FLRT2: variants seen among roughly 807,000 people sequenced by gnomAD.
The protein encoded by FLRT2 is leucine-rich repeat transmembrane protein FLRT2.
Under a neutral mutation model 40.0 loss-of-function variants are expected in FLRT2, and 15 were observed. That is an observed-to-expected ratio of 0.38 (90% CI 0.25 to 0.58). The LOEUF is 0.58. Ranked by LOEUF, FLRT2 falls within the 20% of genes least tolerant of loss-of-function variation. FLRT2 has a pLI of 0.71. For missense variants in FLRT2, 726 were observed against 840.0 expected, an observed-to-expected ratio of 0.86 and a Z score of 1.68; for synonymous variants, 380 against 336.8, an observed-to-expected ratio of 1.13 and a Z score of -1.41.
intron 1 of FLRT2, among the ~76,000 whole-genome samples, chr14:85,532,409 C>T (rs529105747): frequency 2.6e-5 from 4 of 152,242 alleles, no homozygotes; most frequent in Non-Finnish European, 4.4e-5. Flanking sequence ...ACATCTCCTC[C>T]TTCCTAAATA....
chr14:85,583,060 T>G lies in FLRT2; in HGVS notation c.-376-38079T>G, dbSNP rs761629080. ...AAAGAACCTAGGGAAAATTCCCATG[T>G]GAGAAATGAAATTGTCCTTGTGAAG... On this transcript the variant is annotated intron_variant, in intron 1 of 1. Coordinates refer to ENST00000330753, the MANE Select transcript of FLRT2 (RefSeq NM_013231.6). Among the ~76,000 whole-genome samples, 180 of 152,254 alleles carry G rather than the reference T, an allele frequency of 1.2e-3. 1 individual carries two copies. Among genetic ancestry groups the G allele is most frequent in the Admixed American group, 2.1e-3 (32 of 15,290 alleles).
chr14:85,621,421 A>G lies in FLRT2; in HGVS notation c.-94A>G, dbSNP rs947215229. 7.4e-6 allele frequency: 9 copies of G among 1,214,770 alleles called. No homozygotes were observed. In the African/African-American group the frequency reaches 1.2e-4, roughly 16 times the overall value. 75.2% of individuals were successfully genotyped at this position (1,214,770 alleles called of 1,614,324 possible). On this transcript the variant is annotated 5_prime_UTR_variant, in exon 2 of 2. Transcript: ENST00000330753. ...CCTCTAGCTGGAGTTCTGGACTTCA[A>G]CAGAACCCCATCCAGTCATTTTGAT...
Position 85,626,883 on chromosome 14 carries a change from G to A in FLRT2, c.*3386G>A, listed in dbSNP as rs1893704832. ...AATATTACAGCTTCATTTTCTACTA[G>A]CACCTATCATAATGGTCTTAGTCAT... On this transcript the variant is annotated 3_prime_UTR_variant, in exon 2 of 2. Transcript: ENST00000330753. The A allele has an allele frequency of 6.0e-6, 1 of 167,088 alleles. No individual in the cohort carries two copies. The highest frequency in any genetic ancestry group is 1.5e-5 in the Non-Finnish European group (1 of 68,118). The allele number at this position is 167,088 out of a possible 1,614,324, so 10.4% of individuals were successfully genotyped here.
intron 1 of FLRT2, among the ~76,000 whole-genome samples, chr14:85,565,276 T>C (rs1001661540): frequency 6.6e-6 from 1 of 152,200 alleles, no homozygotes; most frequent in Non-Finnish European, 1.5e-5. Context: ...ATTAATAACC[T>C]GAGTATGTAT....
chr14:85,574,824 G>A (rs1327852786), intron 1 of FLRT2, among the ~76,000 whole-genome samples: 11 of 152,090 alleles, frequency 7.2e-5, no homozygotes, highest in Non-Finnish European at 1.5e-4. Flanking sequence ...TGGCCAATTT[G>A]TTGTCTTCAC....
intron 1 of FLRT2, among the ~76,000 whole-genome samples, chr14:85,530,888 G>C (rs1311492810): frequency 6.6e-6 from 1 of 152,078 alleles, no homozygotes; most frequent in African/African-American, 2.4e-5. Flanking sequence ...TCCCTAGATT[G>C]AATCTCTTAA....
Position 85,642,437 on chromosome 14 carries a change from T to C in FLRT2, c.*18940T>C, listed in dbSNP as rs564723435. On this transcript the variant is annotated 3_prime_UTR_variant, in exon 2 of 2. Transcript: ENST00000330753. ...GAACTAACTTACCTGAGGTAACTAA[T>C]GTAAAATAGCTTGTTCTGATCACCT... 6.6e-6 allele frequency: 1 copy of C among 152,176 alleles called. No homozygotes were observed. The highest frequency in any genetic ancestry group is 1.5e-5 in the Non-Finnish European group (1 of 68,032). The allele number at this position is 152,176 out of a possible 1,614,324, so 9.4% of individuals were successfully genotyped here. A position where few individuals can be genotyped will look rare whatever the true frequency, so the allele number is the denominator to read the frequency against.
Position 85,646,187 on chromosome 14 carries a change from A to G in FLRT2, c.*22690A>G, listed in dbSNP as rs1894299712. 6.6e-6 allele frequency: 1 copy of G among 152,234 alleles called. No homozygotes were observed. The highest frequency in any genetic ancestry group is 2.1e-4 in the South Asian group (1 of 4,830). 9.4% of individuals were successfully genotyped at this position (152,234 alleles called of 1,614,324 possible). On this transcript the variant is annotated 3_prime_UTR_variant, in exon 2 of 2. Transcript: ENST00000330753. The stretch of plus-strand genomic sequence containing the variant: ...TCATTCACCACAAGTTGCCTGAAGC[A>G]ACCAGCCTTTAAAATACTATAATGG...
At chr14:85,563,839 A>G (rs1008743195) in intron 1 of FLRT2, among the ~76,000 whole-genome samples, 3 of 152,236 alleles carry the variant, frequency 2.0e-5, no homozygotes, top group African/African-American at 7.2e-5. Flanking sequence ...TTTTCTCTCA[A>G]GAAAAGTGAA....
intron 1 of FLRT2, among the ~76,000 whole-genome samples, chr14:85,567,712 C>A (rs1054814393): frequency 7.0e-6 from 1 of 143,006 alleles, no homozygotes. Flanking sequence ...ACGATCTCTA[C>A]TCACTGCAAC....
In FLRT2 at chr14:85,624,972, A is replaced by T. The variant is rs1354151240; in HGVS notation, c.*1475A>T. 6.0e-6 allele frequency: 1 copy of T among 167,020 alleles called. No homozygotes were observed. The allele number at this position is 167,020 out of a possible 1,614,324, so 10.3% of individuals were successfully genotyped here. A position where few individuals can be genotyped will look rare whatever the true frequency, so the allele number is the denominator to read the frequency against. On this transcript the variant is annotated 3_prime_UTR_variant, in exon 2 of 2. Transcript: ENST00000330753. The stretch of plus-strand genomic sequence containing the variant: ...TTTGGCAATTGTGGAGGGCTAATCA[A>T]TCTTATGTTAGCAGGACAACCCATG...
rs988567105 is a variant in FLRT2, at chr14:85,636,074, C to A, written c.*12577C>A. On this transcript the variant is annotated 3_prime_UTR_variant, in exon 2 of 2. Transcript: ENST00000330753. ...TCAGATTAAGGTATCATTACCTGTT[C>A]TTTCATAAGCTGTTATTTATGCTTC... The A allele has an allele frequency of 2.0e-5, 3 of 151,940 alleles. No homozygotes were observed. The highest frequency in any genetic ancestry group is 4.4e-5 in the Non-Finnish European group (3 of 67,942). 9.4% of individuals were successfully genotyped at this position (151,940 alleles called of 1,614,324 possible).
Position 85,623,058 on chromosome 14 carries a change from A to G in FLRT2, c.1544A>G (p.His515Arg). The part of the protein sequence containing the change: ...EDTICSEATT[H>R]ASYLNNGSNT... ...ACCATTTGTTCAGAGGCCACCACCC[A>G]TGCCTCCTATCTGAACAACGGCAGC... The change falls in exon 2 of 2, where the codon CAT (histidine) becomes CGT (arginine). Residue 515 changes from histidine to arginine, a missense_variant. By Grantham distance (29) the His-to-Arg change is conservative. Coordinates refer to ENST00000330753, the MANE Select transcript of FLRT2 (RefSeq NM_013231.6). The G allele has an allele frequency of 6.2e-7, 1 of 1,614,156 alleles. No individual in the cohort carries two copies. The highest frequency in any genetic ancestry group is 8.5e-7 in the Non-Finnish European group (1 of 1,180,034).
In FLRT2 at chr14:85,646,401, C is replaced by T. The variant is rs1468527451; in HGVS notation, c.*22904C>T. 1 of 152,118 alleles carries T rather than the reference C, an allele frequency of 6.6e-6. No individual in the cohort carries two copies. Among genetic ancestry groups the T allele is most frequent in the Non-Finnish European group, 1.5e-5 (1 of 68,036 alleles). The allele number at this position is 152,118 out of a possible 1,614,324, so 9.4% of individuals were successfully genotyped here. A position where few individuals can be genotyped will look rare whatever the true frequency, so the allele number is the denominator to read the frequency against. Reference sequence around the variant, plus strand: ...TCTCAGATGTCATTGGACAGAGAAGCTCACAGACCAAATTAAGATGCTGAA... The same window carrying T: ...TCTCAGATGTCATTGGACAGAGAAGTTCACAGACCAAATTAAGATGCTGAA... On this transcript the variant is annotated 3_prime_UTR_variant, in exon 2 of 2. Transcript: ENST00000330753.
rs1483025907 is a variant in FLRT2, at chr14:85,636,093, A to G, written c.*12596A>G. ...CCTGTTCTTTCATAAGCTGTTATTT[A>G]TGCTTCTCATTAATTAGTTCTTTGT... On this transcript the variant is annotated 3_prime_UTR_variant, in exon 2 of 2. Transcript: ENST00000330753. 3.9e-5 allele frequency: 6 copies of G among 152,212 alleles called. No homozygotes were observed. The highest frequency in any genetic ancestry group is 3.4e-3 in the Middle Eastern group (1 of 294). 9.4% of individuals were successfully genotyped at this position (152,212 alleles called of 1,614,324 possible).
At chr14:85,543,243 C>T (rs1346326800) in intron 1 of FLRT2, among the ~76,000 whole-genome samples, 2 of 152,178 alleles carry the variant, frequency 1.3e-5, no homozygotes, top group Non-Finnish European at 2.9e-5. Context: ...TTGGAAATCA[C>T]TGAGCTAGAT....
chr14:85,643,367 C>CT lies in FLRT2; in HGVS notation c.*19872dup, dbSNP rs1566774573. 4.0e-4 allele frequency: 47 copies of CT among 118,248 alleles called. 1 individual carries two copies. The highest frequency in any genetic ancestry group is 3.2e-3 in the South Asian group (10 of 3,148). The allele number at this position is 118,248 out of a possible 1,614,324, so 7.3% of individuals were successfully genotyped here. On this transcript the variant is annotated 3_prime_UTR_variant, in exon 2 of 2. Transcript: ENST00000330753. ...TCTTTCTTTCTTTCTTCCTTCCTTC[C>CT]TTCCTTCCTTTCTTTCCTTTCTCCT...
chr14:85,617,308 T>C (rs1437195675), intron 1 of FLRT2, among the ~76,000 whole-genome samples: 1 of 152,232 alleles, frequency 6.6e-6, no homozygotes, highest in East Asian at 1.9e-4. Flanking sequence ...AGCATTATTA[T>C]GTTCTTGCCA....
In FLRT2 at chr14:85,637,665, G is replaced by A. The variant is rs894402412; in HGVS notation, c.*14168G>A. 5 of 152,206 alleles carry A rather than the reference G, an allele frequency of 3.3e-5. No homozygotes were observed. The highest frequency in any genetic ancestry group is 1.2e-4 in the African/African-American group (5 of 41,432). 9.4% of individuals were successfully genotyped at this position (152,206 alleles called of 1,614,324 possible). A position where few individuals can be genotyped will look rare whatever the true frequency, so the allele number is the denominator to read the frequency against. On this transcript the variant is annotated 3_prime_UTR_variant, in exon 2 of 2. Coordinates refer to ENST00000330753, the MANE Select transcript of FLRT2 (RefSeq NM_013231.6). ...AGAAGGGTGCCTTCTCATGTGATCA[G>A]GAGTGATGTAGCTTTGAGGGTGGAC...
Sources: gnomAD v4.1 joint callset for allele counts (sites outside exome capture counted in the v4.1 genomes callset) on GRCh38, gnomAD v4.1.1 for gene constraint, MANE v1.5 for transcripts, NCBI Gene and HGNC (gene_info 2026-07-23, HGNC 2026-07-21) for gene names.